The following ZAN variants were observed in gnomAD, a reference collection of about 807,000 sequenced individuals.
ZAN encodes the protein zonadhesin, also known as zonadhesin (gene/pseudogene).
In ZAN, 260 loss-of-function variants were observed where a neutral mutation model predicts 286.2. That is an observed-to-expected ratio of 0.91 (90% confidence interval 0.82 to 1.01). The LOEUF is 1.01. Among genes scored for constraint, ZAN ranks in the 50% least tolerant of loss-of-function variants. The pLI is 0.00. For synonymous variants in ZAN, 1,368 were observed against 1,417.5 expected (o/e 0.97, Z 0.79); for missense variants, 3,410 against 3,639.2 (o/e 0.94, Z 1.62).
At chr7:100,786,944 C>T (rs998335181) in intron 37 of ZAN, among the ~76,000 whole-genome samples, 16 of 152,168 alleles carry the variant, frequency 1.1e-4, no homozygotes, top group Non-Finnish European at 2.4e-4. Flanking sequence ...TGCCTGTAGT[C>T]CCAGCTACTC....
At position 100,765,502 on chromosome 7, in the gene ZAN, G is replaced by A. The variant is rs1262087222; in HGVS notation, c.4418G>A (p.Cys1473Tyr). The A allele has an allele frequency of 1.9e-6, 3 of 1,612,012 alleles. No individual in the cohort carries two copies. The change falls in exon 23 of 48, where the codon TGC (cysteine) becomes TAC (tyrosine). Residue 1473 changes from cysteine (C) to tyrosine (Y), a missense_variant. Coordinates refer to ENST00000613979, the MANE Select transcript of ZAN (RefSeq NM_003386.3). ...NPGFVLSGLE[C>Y]IPRSQCGCLH... ...GGCTTCGTCCTCAGTGGCCTCGAGTGCATACCTCGCTCCCAGTGTGGGTGC... is the reference window on the plus strand; with the variant it reads ...GGCTTCGTCCTCAGTGGCCTCGAGTACATACCTCGCTCCCAGTGTGGGTGC...
intron 35 of ZAN, among the ~76,000 whole-genome samples, chr7:100,782,831 C>T (rs536762090): frequency 1.4e-4 from 21 of 152,180 alleles, no homozygotes; most frequent in Admixed American, 1.0e-3. Context: ...TCTGTCTTTG[C>T]GCAGGGACTG....
At chr7:100,772,266 T>C (rs1810426016) in intron 29 of ZAN, among the ~76,000 whole-genome samples, 1 of 150,922 alleles carries the variant, frequency 6.6e-6, no homozygotes, top group Admixed American at 6.7e-5. Flanking sequence ...ACCCCGTCTC[T>C]ATTAAAAATA....
In ZAN at chr7:100,755,773, C is replaced by T. The variant is rs372706461; in HGVS notation, c.3309+363C>T. The stretch of plus-strand genomic sequence containing the variant: ...TTTTGGTAGAGACAGGGTTTCACCA[C>T]GTTGCCCAGGCTGGTCTTGAAATCC... On this transcript the variant is annotated intron_variant, in intron 15 of 47. Coordinates refer to ENST00000613979, the MANE Select transcript of ZAN (RefSeq NM_003386.3). Among the ~76,000 whole-genome samples the T allele has an allele frequency of 3.8e-4, 58 of 152,150 alleles. 1 individual carries two copies. Among genetic ancestry groups the T allele is most frequent in the Admixed American group, 3.7e-3 (56 of 15,258 alleles).
chr7:100,789,860 G>A (rs538406568), intron 39 of ZAN, among the ~76,000 whole-genome samples: 6 of 152,184 alleles, frequency 3.9e-5, no homozygotes, highest in East Asian at 3.9e-4. Context: ...CAGGAGAATC[G>A]CTTGAACGTG....
At chr7:100,767,332 C>T (rs767767043) in intron 25 of ZAN, 75 bp downstream of exon 25, 25 of 1,541,830 alleles carry the variant, frequency 1.6e-5, no homozygotes, top group Non-Finnish European at 2.1e-5. Flanking sequence ...CCTCCTTGCC[C>T]GGATGCCCAC....
rs375745477 is a variant in ZAN at position 100,795,227 on chromosome 7, T to C, written c.8157T>C (p.Asn2719=). ...CGTGTCTGCAGAACCCCTGTCAGAA[T>C]GACGGGCAGTGTCGGGAGCAGGGAG... The part of the protein sequence containing the change: ...ESPCLQNPCQ[N]DGQCREQGAT... The change falls in exon 45 of 48, where the codon AAT becomes AAC. Residue 2719 remains asparagine (N), a synonymous_variant. Coordinates refer to ENST00000613979, the MANE Select transcript of ZAN (RefSeq NM_003386.3). 2.1e-5 allele frequency: 34 copies of C among 1,611,072 alleles called. No homozygotes were observed. The highest frequency in any genetic ancestry group is 2.5e-5 in the Non-Finnish European group (30 of 1,178,758).
intron 5 of ZAN, 31 bp from the exon 6 acceptor site, chr7:100,737,231 A>C: frequency 2.8e-6 from 4 of 1,441,190 alleles, no homozygotes; most frequent in Non-Finnish European, 3.8e-6. Context: ...TGAGGGGCTC[A>C]TGGGGTTGGG....
intron 47 of ZAN, 23 bp downstream of exon 47, chr7:100,797,646 G>A (rs760262439): frequency 3.6e-5 from 58 of 1,613,848 alleles, no homozygotes; most frequent in Middle Eastern, 3.3e-4. Flanking sequence ...CCCACAGCCC[G>A]GAACCTCGGG....
At position 100,763,877 on chromosome 7, in the gene ZAN, G is replaced by T; in HGVS notation, c.4058G>T (p.Gly1353Val). Reference protein sequence around the residue: ...SSLQSSMSGPGFCGRLVDTHG... With the variant: ...SSLQSSMSGPVFCGRLVDTHG... ...CTGCAGAGCAGCATGTCGGGGCCAG[G>T]GTTCTGTGGACGGCTGGTCGACACT... The change falls in exon 21 of 48, where the codon GGG becomes GTG. Residue 1353 changes from glycine to valine, a missense_variant. Physicochemically the swap from Gly to Val is moderately radical, Grantham distance 109. Around this residue, in one of 7 missense-constraint regions of ZAN, gnomAD observed 1,042 missense variants for 1,058.0 expected, o/e 0.98. Coordinates refer to ENST00000613979, the MANE Select transcript of ZAN (RefSeq NM_003386.3). The surrounding 1 kb of genome is among the most constrained non-coding windows in gnomAD (Gnocchi z 4.6). 6.2e-7 allele frequency: 1 copy of T among 1,614,040 alleles called. No homozygotes were observed. The highest frequency in any genetic ancestry group is 8.5e-7 in the Non-Finnish European group (1 of 1,179,904).
chr7:100,784,618 C>G lies in ZAN; in HGVS notation c.6623-5C>G, dbSNP rs1445939596. ...CCACTGACCCACTGTCTCCTTCACC[C>G]ACAGCTCTGGAATGCCCTGCCTACA... is the stretch of plus-strand genomic sequence containing the variant. On this transcript the variant is annotated splice_polypyrimidine_tract_variant and splice_region_variant and intron_variant, in intron 35 of 47. Coordinates refer to ENST00000613979, the MANE Select transcript of ZAN (RefSeq NM_003386.3). 6.2e-7 allele frequency: 1 copy of G among 1,613,260 alleles called. No homozygotes were observed. Among genetic ancestry groups the G allele is most frequent in the Non-Finnish European group, 8.5e-7 (1 of 1,179,756 alleles).
intron 44 of ZAN, among the ~76,000 whole-genome samples, chr7:100,794,469 TCTC>T (rs1469357910): frequency 1.3e-5 from 2 of 152,106 alleles, no homozygotes; most frequent in East Asian, 3.8e-4. Flanking sequence ...CTTCCCATGA[TCTC>T]CTTCAGCCCT....
chr7:100,751,952 C>G lies in ZAN; in HGVS notation c.1847C>G (p.Ser616Ter), dbSNP rs1472287821. The G allele has an allele frequency of 6.2e-7, 1 of 1,612,856 alleles. No individual in the cohort carries two copies. The highest frequency in any genetic ancestry group is 8.5e-7 in the Non-Finnish European group (1 of 1,179,586). Residue 616 changes from serine to a stop codon, truncating the protein, a stop_gained, in exon 14 of 48, where the codon TCA (serine) becomes TGA (stop). Transcript: ENST00000613979. LOFTEE classifies it high-confidence loss of function. ...CCTTCAGAAAAACCCAACATGCCCTCAGAAAAACCCACCATTCCCTCAGAA... is the reference window on the plus strand; with the variant it reads ...CCTTCAGAAAAACCCAACATGCCCTGAGAAAAACCCACCATTCCCTCAGAA... ...TIPSEKPNMP[S>*]EKPTIPSEKP...
In ZAN at chr7:100,739,013, TTTC is replaced by T. The variant is rs1206610426; in HGVS notation, c.766+403_766+405del. On this transcript the variant is annotated intron_variant, in intron 7 of 47. Transcript: ENST00000613979. ...TCTCCTTCTCCTTCTCCTTCTTCTT[TTTC>T]TTTTTTTTTTTTTGAAGCAGAGTCT... 1.4e-3 allele frequency among the ~76,000 whole-genome samples: 104 copies of T among 76,390 alleles called. 17 individuals are homozygous for T. The East Asian group carries it at 0.033, about 24-fold the overall frequency. The allele number at this position is 76,390 out of a possible 152,430, so 50.1% of individuals were successfully genotyped here.
rs1807188976 is a variant in ZAN at position 100,734,743 on chromosome 7, AAT to A, written c.53+523_53+524del. Among the ~76,000 whole-genome samples the A allele has an allele frequency of 1.4e-5, 2 of 141,116 alleles. 1 individual carries two copies. 92.6% of individuals were successfully genotyped at this position (141,116 alleles called of 152,430 possible). A position where few individuals can be genotyped will look rare whatever the true frequency, so the allele number is the denominator to read the frequency against. ...GGTTCTGGGAGCGGGACAGGGCTAC[AAT>A]GTGAGAAGGGACGGAGGAGGTGCAG... is the stretch of plus-strand genomic sequence containing the variant. On this transcript the variant is annotated intron_variant, in intron 2 of 47. Coordinates refer to ENST00000613979, the MANE Select transcript of ZAN (RefSeq NM_003386.3).
chr7:100,768,032 C>A (rs761845629), intron 26 of ZAN, 21 bp downstream of exon 26: 7 of 1,600,792 alleles, frequency 4.4e-6, no homozygotes, highest in Admixed American at 3.4e-5. Context: ...TGGGCACCTG[C>A]GGGGAAAGCT....
At position 100,743,428 on chromosome 7, in the gene ZAN, T is replaced by TTC. The variant is rs567028756; in HGVS notation, c.767-3103_767-3102dup. Among the ~76,000 whole-genome samples the TTC allele has an allele frequency of 3.3e-5, 5 of 152,100 alleles. No individual in the cohort carries two copies. In the South Asian group the frequency reaches 1.0e-3, roughly 32 times the overall value. ...TCTTTCTACTGTTGACTTCTTCCTT[T>TTC]TCTCTCTCACACAACATTCACTTTC... On this transcript the variant is annotated intron_variant, in intron 7 of 47. Transcript: ENST00000613979.
At chr7:100,736,375 A>G in intron 3 of ZAN, 108 bp from the exon 4 acceptor site, 1 of 1,262,958 alleles carries the variant, frequency 7.9e-7, no homozygotes, top group Non-Finnish European at 1.1e-6. Context: ...GGCTGATTTC[A>G]TGGCAGCTTT....
chr7:100,761,987 A>C (rs1352854079), intron 19 of ZAN, among the ~76,000 whole-genome samples: 1 of 150,816 alleles, frequency 6.6e-6, no homozygotes, highest in Non-Finnish European at 1.5e-5. Context: ...TAAATAAATA[A>C]AGTGGGAGTG....
Sources: allele counts gnomAD v4.1 joint callset (sites outside exome capture counted in the v4.1 genomes callset), GRCh38; gene constraint gnomAD v4.1.1; regional missense constraint gnomAD v4.1.1; non-coding constraint Gnocchi (gnomAD v3.1); transcripts MANE v1.5; gene names NCBI Gene and HGNC (gene_info 2026-07-23, HGNC 2026-07-21).